PCSK4: variants seen among roughly 807,000 people sequenced by gnomAD.
PCSK4 encodes proprotein convertase subtilisin/kexin type 4, also known as testicular tissue protein Li 135.
A neutral mutation model predicts 80.3 loss-of-function variants in PCSK4; 64 were observed. That is an observed-to-expected ratio of 0.80 (90% CI 0.65 to 0.98). The LOEUF (loss-of-function observed/expected upper bound fraction) is 0.98. Among genes scored for constraint, PCSK4 ranks in the 50% least tolerant of loss-of-function variants. PCSK4 has a pLI of 0.00. For missense variants in PCSK4, 1,213 were observed against 1,093.6 expected (o/e 1.11, Z -1.54); for synonymous variants, 561 against 487.6 (o/e 1.15, Z -1.98).
exon 15 of PCSK4, chr19:1,482,060 C>T: frequency 6.4e-7 from 1 of 1,556,612 alleles, no homozygotes; most frequent in Non-Finnish European, 8.7e-7. Context: ...GCAGGTGTAG[C>T]AGGAGGCATG....
At chr19:1,482,615 A>AG in intron 13 of PCSK4, 140 bp from the exon 14 acceptor site, 2 of 1,062,100 alleles carry the variant, frequency 1.9e-6, no homozygotes, top group Non-Finnish European at 2.7e-6. Flanking sequence ...TTGCACACCT[A>AG]CTGTGCGCCT....
chr19:1,483,294 C>A, exon 12 of PCSK4: 3 of 1,598,040 alleles, frequency 1.9e-6, no homozygotes, highest in Non-Finnish European at 2.6e-6. Context: ...CGTATGGCCA[C>A]GAGTGTGGAG....
intron 6 of PCSK4, 137 bp from the exon 7 acceptor site, chr19:1,487,450 T>C (rs1599236199): frequency 5.1e-6 from 5 of 983,828 alleles, no homozygotes; most frequent in East Asian, 2.6e-5. Context: ...ACCATTCGTA[T>C]TGGCTCAGCA....
chr19:1,486,729 GCCT>G (rs2084637258), intron 8 of PCSK4, 121 bp downstream of exon 8: 2 of 813,122 alleles, frequency 2.5e-6, no homozygotes, highest in South Asian at 3.3e-5. Context: ...ACCGTGCTCG[GCCT>G]GGATTTGCAT....
rs746892952 is a variant in PCSK4, at chr19:1,483,391, C to A, written c.1464G>T (p.Ser488=). 16 of 1,605,400 alleles carry A rather than the reference C, an allele frequency of 1.0e-5. No individual in the cohort carries two copies. In the South Asian group the frequency reaches 1.2e-4, roughly 12 times the overall value. Residue 488 remains serine (S), a synonymous_variant, in exon 12 of 15, where the codon TCG becomes TCT. Transcript: ENST00000300954. ...TCAGCTGCGCCTGCACGTGCTCCAG[C>A]GAGCGGATGGAGTTGTGGAGGCCGG... is the stretch of plus-strand genomic sequence containing the variant.
chr19:1,489,606 G>T, intron 2 of PCSK4, 187 bp downstream of exon 2: 1 of 1,063,044 alleles, frequency 9.4e-7, no homozygotes, highest in Admixed American at 2.9e-5. Flanking sequence ...GCCCTGGCAG[G>T]CGCCATGATT....
intron 8 of PCSK4, among the ~76,000 whole-genome samples, chr19:1,485,036 T>C (rs1210453456): frequency 1.3e-5 from 2 of 151,382 alleles, no homozygotes; most frequent in African/African-American, 2.4e-5. Flanking sequence ...TAATCCCAGC[T>C]ACTCAGGAGG....
At chr19:1,488,683 C>G (rs897811823) in intron 2 of PCSK4, among the ~76,000 whole-genome samples, 3 of 151,954 alleles carry the variant, frequency 2.0e-5, no homozygotes, top group Admixed American at 2.0e-4. Context: ...TGGGTTCAAG[C>G]GATTCTCCTA....
chr19:1,487,552 AC>A (rs1206635909), intron 6 of PCSK4, 50 bp downstream of exon 6: 22 of 1,455,802 alleles, frequency 1.5e-5, no homozygotes, highest in Non-Finnish European at 2.0e-5. Context: ...CGCCAGAGTC[AC>A]CCCCTTCCCT....
At chr19:1,487,573 G>C in intron 6 of PCSK4, 30 bp downstream of exon 6, 1 of 1,526,926 alleles carries the variant, frequency 6.5e-7, no homozygotes. Flanking sequence ...TCTCTGTCCC[G>C]GAATGGTGCC....
intron 8 of PCSK4, among the ~76,000 whole-genome samples, chr19:1,486,059 A>G (rs989342403): frequency 6.6e-6 from 1 of 151,796 alleles, no homozygotes; most frequent in Non-Finnish European, 1.5e-5. Context: ...TGCAACCTCC[A>G]TCTCTGGGGT....
rs530715165 is a variant in PCSK4 at position 1,487,829 on chromosome 19, G to A, written c.549C>T (p.Tyr183=). 5.1e-6 allele frequency: 8 copies of A among 1,568,904 alleles called. No individual in the cohort carries two copies. In the African/African-American group the frequency reaches 5.4e-5, roughly 11 times the overall value. ...TGTAGCGGGGCTGGGGGTCCGGGTC[G>A]TAGTCATTGAAGTCATAGCTGGCCA... The change falls in exon 5 of 15, where the codon TAC becomes TAT. Residue 183 remains tyrosine (Y), a synonymous_variant. Coordinates refer to ENST00000300954, the Ensembl canonical transcript of PCSK4.
In PCSK4 at chr19:1,490,299, CAGGG is replaced by C; in HGVS notation, c.44_47del (p.Ala15GlyfsTer68). The C allele has an allele frequency of 7.7e-6, 12 of 1,560,268 alleles. No homozygotes were observed. Among genetic ancestry groups the C allele is most frequent in the Non-Finnish European group, 1.0e-5 (12 of 1,148,326 alleles). ...CCACAGCCCGGGGGCGGACAAGGGC[CAGGG>C]CCAAGACCAGGCGCAGCCACAGCGC... On this transcript the variant is annotated frameshift_variant, in exon 1 of 15. Coordinates refer to ENST00000300954, the Ensembl canonical transcript of PCSK4. LOFTEE classifies it high-confidence loss of function.
At chr19:1,490,008 G>C (rs2084858583) in intron 1 of PCSK4, 111 bp from the exon 2 acceptor site, 1 of 1,525,936 alleles carries the variant, frequency 6.6e-7, no homozygotes, top group Non-Finnish European at 8.8e-7. Context: ...TGCTCTCTGG[G>C]AGTCCCAGAA....
At chr19:1,484,851 A>G (rs2084522817) in intron 8 of PCSK4, among the ~76,000 whole-genome samples, 2 of 152,128 alleles carry the variant, frequency 1.3e-5, no homozygotes, top group Admixed American at 1.3e-4. Context: ...TGAAGTCAAA[A>G]AGTACCAAGG....
At chr19:1,486,517 C>T (rs1435054450) in intron 8 of PCSK4, among the ~76,000 whole-genome samples, 1 of 148,872 alleles carries the variant, frequency 6.7e-6, no homozygotes, top group Non-Finnish European at 1.5e-5. Flanking sequence ...AGGATGGTCT[C>T]GATCTCCCGA....
chr19:1,486,178 T>C (rs145898647), intron 8 of PCSK4, among the ~76,000 whole-genome samples: 1 of 151,454 alleles, frequency 6.6e-6, no homozygotes, highest in African/African-American at 2.4e-5. Context: ...GGTTTTGCCA[T>C]GTTGGCTAGG....
At chr19:1,489,680 C>A in intron 2 of PCSK4, 113 bp downstream of exon 2, 1 of 1,487,464 alleles carries the variant, frequency 6.7e-7, no homozygotes, top group South Asian at 1.3e-5. Context: ...GGGTCTGAGC[C>A]ACAGAAAGCA....
At position 1,488,229 on chromosome 19, in the gene PCSK4, C is replaced by T. The variant is rs143050585; in HGVS notation, c.346G>A (p.Val116Met). 3.2e-4 allele frequency: 517 copies of T among 1,613,268 alleles called. 2 individuals carry two copies. The African/African-American group carries it at 4.2e-3, about 13-fold the overall frequency. The change falls in exon 3 of 15, where the codon GTG becomes ATG. Residue 116 changes from valine (V) to methionine (M), a missense_variant. Transcript: ENST00000300954. ...GAGAACCAGGGGTCCGTGGGCACCA[C>T]GACAGAGCGTTTCACCCGCCGCTGC...
Sources: allele counts gnomAD v4.1 joint callset (sites outside exome capture counted in the v4.1 genomes callset), GRCh38; gene constraint gnomAD v4.1.1; transcripts MANE v1.5; gene names NCBI Gene and HGNC (gene_info 2026-07-23, HGNC 2026-07-21).